The following CROCC2 variants were observed in gnomAD, a reference collection of about 807,000 sequenced individuals.
The protein encoded by CROCC2 is ciliary rootlet coiled-coil, rootletin family member 2, also known as ciliary rootlet coiled-coil protein 2.
In CROCC2, 163 loss-of-function variants were observed where a neutral mutation model predicts 177.6. That is an observed-to-expected ratio of 0.92 (90% CI 0.81 to 1.05). The LOEUF (loss-of-function observed/expected upper bound fraction) is 1.05, where lower values mean the gene tolerates loss of function less well. Ranked by LOEUF, CROCC2 falls within the 50% of genes least tolerant of loss-of-function variation. CROCC2 has a pLI of 0.00. For missense variants in CROCC2, 1,929 were observed against 1,797.8 expected, an observed-to-expected ratio of 1.07 and a Z score of -1.32; for synonymous variants, 904 against 787.3, an observed-to-expected ratio of 1.15 and a Z score of -2.48.
chr2:240,983,587 C>G (rs1266877085), intron 28 of CROCC2: 2 of 1,281,778 alleles, frequency 1.6e-6, no homozygotes, highest in Non-Finnish European at 2.0e-6. Context: ...AGGTAGGCGG[C>G]AGCGGTGGTC....
intron 27 of CROCC2, among the ~76,000 whole-genome samples, chr2:240,976,255 G>T (rs1351014707): frequency 1.0e-5 from 1 of 98,758 alleles, no homozygotes; most frequent in East Asian, 3.7e-4. Flanking sequence ...TGGGGTAGGA[G>T]CCTCAGGATC....
chr2:240,920,424 G>C (rs1461702465), intron 3 of CROCC2, among the ~76,000 whole-genome samples: 1 of 152,174 alleles, frequency 6.6e-6, no homozygotes, highest in Non-Finnish European at 1.5e-5. Flanking sequence ...GCACTGACTT[G>C]TCCCCGCACC....
intron 13 of CROCC2, 111 bp downstream of exon 13, chr2:240,935,173 G>A: frequency 1.6e-6 from 2 of 1,278,208 alleles, no homozygotes; most frequent in Non-Finnish European, 2.0e-6. Context: ...TCCTCTCCTG[G>A]TTTGAGGTTT....
chr2:240,940,947 C>G (rs546996322), intron 14 of CROCC2, among the ~76,000 whole-genome samples: 30 of 152,230 alleles, frequency 2.0e-4, no homozygotes, highest in African/African-American at 6.3e-4. Flanking sequence ...CCTAAAGACT[C>G]CTCCCAAAAC....
At position 240,984,152 on chromosome 2, in the gene CROCC2, A is replaced by G. The variant is rs551372976; in HGVS notation, c.4551+1123A>G. ...GTGCAAGACAGGGTTTCCAAGCCCA[A>G]AGGTCAGACAAACGTAGACCACTGT... On this transcript the variant is annotated intron_variant, in intron 28 of 31. Coordinates refer to ENST00000690015, the MANE Select transcript of CROCC2 (RefSeq NM_001351305.2). Among the ~76,000 whole-genome samples, 3 of 152,228 alleles carry G rather than the reference A, an allele frequency of 2.0e-5. No individual in the cohort carries two copies. In the South Asian group the frequency reaches 6.2e-4, roughly 32 times the overall value.
chr2:240,950,370 G>A lies in CROCC2; in HGVS notation c.2689G>A (p.Val897Ile). 1 of 1,550,222 alleles carries A rather than the reference G, an allele frequency of 6.5e-7. No individual in the cohort carries two copies. The highest frequency in any genetic ancestry group is 8.7e-7 in the Non-Finnish European group (1 of 1,146,788). The part of the protein sequence containing the change: ...LSLTLAEEKE[V>I]ARCQLEQEKE... ...CCTGACCCTGGCAGAGGAGAAGGAG[G>A]TAGCCAGATGCCAGCTGGAGCAGGA... The change falls in exon 18 of 32, where the codon GTA becomes ATA. Residue 897 changes from valine (V) to isoleucine (I), a missense_variant. This residue lies in a region of CROCC2 where 1,397 missense variants were observed against 1,239.9 expected (regional missense o/e 1.13). Transcript: ENST00000690015.
chr2:240,938,655 C>A (rs1574763211), intron 14 of CROCC2, among the ~76,000 whole-genome samples: 1 of 152,182 alleles, frequency 6.6e-6, no homozygotes, highest in Non-Finnish European at 1.5e-5. Flanking sequence ...TATAGATCAA[C>A]TTGAGGAAAT....
At position 240,935,197 on chromosome 2, in the gene CROCC2, G is replaced by A. The variant is rs987989769; in HGVS notation, c.1938+135G>A. ...GGTTTGAGGTTTTGGGGACAAGGGA[G>A]CCTGACTAGCCCTGGCCAGGCCTGA... On this transcript the variant is annotated intron_variant, in intron 13 of 31. Transcript: ENST00000690015. 7.3e-6 allele frequency: 9 copies of A among 1,227,104 alleles called. No homozygotes were observed. In the South Asian group the frequency reaches 2.5e-4, roughly 34 times the overall value. 76.0% of individuals were successfully genotyped at this position (1,227,104 alleles called of 1,614,324 possible).
At position 240,918,689 on chromosome 2, in the gene CROCC2, G is replaced by A. The variant is rs903289616; in HGVS notation, c.79-37G>A. On this transcript the variant is annotated intron_variant, in intron 1 of 31. Transcript: ENST00000690015. This position sits in a 1 kb window ranked among gnomAD's most constrained non-coding sequence, Gnocchi z 6.3. ...AGAGGGTGCCTGGCAGCTGTTGGGG[G>A]CTGCCATCTCCAGGTATCTCTGGGG... 4 of 541,128 alleles carry A rather than the reference G, an allele frequency of 7.4e-6. No individual in the cohort carries two copies. The highest frequency in any genetic ancestry group is 4.0e-5 in the African/African-American group (2 of 49,652). The allele number at this position is 541,128 out of a possible 1,614,324, so 33.5% of individuals were successfully genotyped here. A position where few individuals can be genotyped will look rare whatever the true frequency, so the allele number is the denominator to read the frequency against.
At chr2:240,927,763 G>A (rs769630294) in intron 5 of CROCC2, among the ~76,000 whole-genome samples, 10 of 152,194 alleles carry the variant, frequency 6.6e-5, no homozygotes, top group African/African-American at 1.4e-4. Flanking sequence ...CGATTCTCCC[G>A]CCTCAACCTC....
intron 6 of CROCC2, 23 bp from the exon 7 acceptor site, chr2:240,930,908 C>A (rs547207724): frequency 1.4e-6 from 1 of 693,638 alleles, no homozygotes; most frequent in Non-Finnish European, 2.7e-6. Flanking sequence ...GAGTCCGCCA[C>A]AGATGCTGCC....
chr2:240,911,661 C>G (rs919287241), intron 1 of CROCC2, among the ~76,000 whole-genome samples: 1 of 151,980 alleles, frequency 6.6e-6, no homozygotes, highest in African/African-American at 2.4e-5. Context: ...CCCATTCCCC[C>G]CTCTCCCAGC....
intron 5 of CROCC2, among the ~76,000 whole-genome samples, chr2:240,926,144 C>A (rs2106457730): frequency 6.6e-6 from 1 of 152,326 alleles, no homozygotes; most frequent in African/African-American, 2.4e-5. Context: ...GGGCCGCACC[C>A]CAGCTCTGGT....
chr2:240,989,764 G>A lies in CROCC2; in HGVS notation c.4794G>A (p.Pro1598=), dbSNP rs372263174. The A allele has an allele frequency of 3.2e-5, 49 of 1,549,886 alleles. No individual in the cohort carries two copies. Among genetic ancestry groups the A allele is most frequent in the African/African-American group, 3.1e-4 (23 of 73,066 alleles). The change falls in exon 30 of 32, where the codon CCG becomes CCA. Residue 1598 remains proline (P), a synonymous_variant. Coordinates refer to ENST00000690015, the MANE Select transcript of CROCC2 (RefSeq NM_001351305.2). Reference sequence around the variant, plus strand: ...CAGAGCGTCTCCATGGGGCCCGGCCGCAGGCCACGCAGGCCCTGGAGTCCC... The same window carrying A: ...CAGAGCGTCTCCATGGGGCCCGGCCACAGGCCACGCAGGCCCTGGAGTCCC... ...TEAERLHGAR[P]QATQALESQE...
In CROCC2 at chr2:240,933,797, C is replaced by A. The variant is rs577450176; in HGVS notation, c.1591C>A (p.Arg531=). ...LQRSLLLQAE[R]REELALRRER... ...GAGAAGCCTCCTGCTGCAGGCAGAG[C>A]GGAGGGAGGAGCTGGCTCTGCGGAG... Residue 531 remains arginine, a synonymous_variant, in exon 11 of 32, where the codon CGG becomes AGG. Transcript: ENST00000690015. 7 of 1,548,804 alleles carry A rather than the reference C, an allele frequency of 4.5e-6. No individual in the cohort carries two copies. In the East Asian group the frequency reaches 1.5e-4, roughly 32 times the overall value.
In CROCC2 at chr2:240,925,862, G is replaced by C; in HGVS notation, c.627G>C (p.Arg209Ser). 4 of 714,084 alleles carry C rather than the reference G, an allele frequency of 5.6e-6. No homozygotes were observed. Among genetic ancestry groups the C allele is most frequent in the Non-Finnish European group, 1.0e-5 (4 of 384,052 alleles). 44.2% of individuals were successfully genotyped at this position (714,084 alleles called of 1,614,324 possible). ...GCCTGCAGGGCGAGCTGGAGCTGAGGCGCTGGGCCCAGAGACAGGTGCTCC... is the reference window on the plus strand; with the variant it reads ...GCCTGCAGGGCGAGCTGGAGCTGAGCCGCTGGGCCCAGAGACAGGTGCTCC... Reference protein sequence around the residue: ...VQRLQGELELRRWAQRQTRSG... With the variant: ...VQRLQGELELSRWAQRQTRSG... Residue 209 changes from arginine to serine, a missense_variant, in exon 5 of 32, where the codon AGG becomes AGC. Physicochemically the swap from Arg to Ser is moderately radical, Grantham distance 110. Coordinates refer to ENST00000690015, the MANE Select transcript of CROCC2 (RefSeq NM_001351305.2).
intron 2 of CROCC2, among the ~76,000 whole-genome samples, chr2:240,919,569 G>A (rs917038721): frequency 9.9e-5 from 15 of 152,250 alleles, no homozygotes; most frequent in Admixed American, 2.0e-4. Context: ...CTGCAGGCCC[G>A]GGGAACTGGC....
rs1470059106 is a variant in CROCC2 at position 240,933,853 on chromosome 2, G to A, written c.1646+1G>A. 9 of 1,541,974 alleles carry A rather than the reference G, an allele frequency of 5.8e-6. No homozygotes were observed. The highest frequency in any genetic ancestry group is 2.0e-5 in the Admixed American group (1 of 50,854). ...GGAGCTGCAGGGCACTGGAGACCAG[G>A]TGCGCGGCCGTGGCTGGGTGGGCAG... On this transcript the variant is annotated splice_donor_variant, in intron 11 of 31. Coordinates refer to ENST00000690015, the MANE Select transcript of CROCC2 (RefSeq NM_001351305.2). LOFTEE classifies it high-confidence loss of function.
intron 3 of CROCC2, among the ~76,000 whole-genome samples, chr2:240,920,875 A>G (rs2059353647): frequency 6.6e-6 from 1 of 152,202 alleles, no homozygotes. Flanking sequence ...CTGGCTTCTG[A>G]GGCAGGACTT....
Sources: allele counts gnomAD v4.1 joint callset (sites outside exome capture counted in the v4.1 genomes callset), GRCh38; gene constraint gnomAD v4.1.1; regional missense constraint gnomAD v4.1.1; non-coding constraint Gnocchi (gnomAD v3.1); transcripts MANE v1.5; gene names NCBI Gene and HGNC (gene_info 2026-07-23, HGNC 2026-07-21).